Variants in POLR1A observed in about 807,000 individuals in gnomAD.
POLR1A encodes the protein RNA polymerase I subunit A, also known as DNA-directed RNA polymerase I subunit RPA1.
A neutral mutation model predicts 205.3 loss-of-function variants in POLR1A; 84 were observed. That is an observed-to-expected ratio of 0.41 (90% CI 0.34 to 0.49). POLR1A has a LOEUF of 0.49. Ranked by LOEUF, POLR1A falls within the 20% of genes least tolerant of loss-of-function variation. The probability of loss-of-function intolerance (pLI) is 0.22; values close to 1 mark genes in which losing one functional copy is unlikely to be tolerated. For synonymous variants in POLR1A, 799 were observed against 863.7 expected, an observed-to-expected ratio of 0.93 and a Z score of 1.31; for missense variants, 1,645 against 2,204.5, an observed-to-expected ratio of 0.75 and a Z score of 5.08.
At chr2:86,063,330 C>A (rs1245201996) in intron 14 of POLR1A, among the ~76,000 whole-genome samples, 2 of 52,242 alleles carry the variant, frequency 3.8e-5, no homozygotes, top group Admixed American at 3.8e-4. Context: ...AGCAAAACTC[C>A]ATCTCAAAAA....
At chr2:86,030,717 G>A (rs1247034085) in intron 30 of POLR1A, among the ~76,000 whole-genome samples, 4 of 152,322 alleles carry the variant, frequency 2.6e-5, no homozygotes, top group Middle Eastern at 3.4e-3. Context: ...TTTCACGCGT[G>A]CAATCCCATC....
chr2:86,075,707 C>T (rs1317951823), intron 11 of POLR1A, among the ~76,000 whole-genome samples: 2 of 152,196 alleles, frequency 1.3e-5, no homozygotes, highest in Admixed American at 6.5e-5. Flanking sequence ...AGGGTTTCTC[C>T]ATGCTGGTCA....
Position 86,022,552 on chromosome 2 carries a change from C to T in POLR1A, c.*4871G>A, listed in dbSNP as rs992195632. ...AAGATTTTCTAATGCCTAGGCCACA[C>T]TCCAGGCCAATAAAATCAGAATCTG... On this transcript the variant is annotated 3_prime_UTR_variant, in exon 34 of 34. Coordinates refer to ENST00000263857, the MANE Select transcript of POLR1A (RefSeq NM_015425.6). 1 of 152,240 alleles carries T rather than the reference C, an allele frequency of 6.6e-6. No homozygotes were observed. The highest frequency in any genetic ancestry group is 6.5e-5 in the Admixed American group (1 of 15,274). The allele number at this position is 152,240 out of a possible 1,614,324, so 9.4% of individuals were successfully genotyped here.
At chr2:86,030,629 C>T (rs1307932829) in intron 30 of POLR1A, among the ~76,000 whole-genome samples, 3 of 152,262 alleles carry the variant, frequency 2.0e-5, no homozygotes, top group Admixed American at 6.5e-5. Flanking sequence ...TCACAGCTGT[C>T]GGTGACAACA....
At chr2:86,040,320 CT>C in intron 25 of POLR1A, 71 bp downstream of exon 25, 2 of 1,224,866 alleles carry the variant, frequency 1.6e-6, no homozygotes, top group Admixed American at 2.9e-5. Context: ...CACTCACCCC[CT>C]CTCATTAAAT....
In POLR1A at chr2:86,021,488, A is replaced by T. The variant is rs1440401478; in HGVS notation, c.*5935T>A. 6.6e-6 allele frequency: 1 copy of T among 152,406 alleles called. No individual in the cohort carries two copies. The highest frequency in any genetic ancestry group is 2.4e-5 in the African/African-American group (1 of 41,448). 9.4% of individuals were successfully genotyped at this position (152,406 alleles called of 1,614,324 possible). ...CCTCCCTTCTGGCTGTTGAACACCC[A>T]AGTACCTCCCCACTGTCCTCTCCAC... On this transcript the variant is annotated 3_prime_UTR_variant, in exon 34 of 34. Coordinates refer to ENST00000263857, the MANE Select transcript of POLR1A (RefSeq NM_015425.6).
At chr2:86,039,818 C>T (rs2104387646) in intron 25 of POLR1A, among the ~76,000 whole-genome samples, 1 of 152,342 alleles carries the variant, frequency 6.6e-6, no homozygotes, top group Middle Eastern at 3.4e-3. Context: ...GCTCAGCCAG[C>T]CCTCACTGCC....
chr2:86,039,619 C>T (rs1445644986), intron 25 of POLR1A, among the ~76,000 whole-genome samples, 157 bp from the exon 26 acceptor site: 1 of 152,316 alleles, frequency 6.6e-6, no homozygotes, highest in Admixed American at 6.5e-5. Flanking sequence ...CCAGCTCTGG[C>T]CTCGTGTGCA....
intron 31 of POLR1A, 42 bp downstream of exon 31, chr2:86,030,153 AG>A (rs1199117895): frequency 6.6e-7 from 1 of 1,506,346 alleles, no homozygotes; most frequent in African/African-American, 1.4e-5. Flanking sequence ...ACGTGGGGTG[AG>A]GACTAATGCT....
intron 4 of POLR1A, 107 bp from the exon 5 acceptor site, chr2:86,088,977 C>T: frequency 4.2e-6 from 3 of 718,548 alleles, no homozygotes; most frequent in East Asian, 2.7e-5. Flanking sequence ...CGGAAACACC[C>T]CCACCACCAC....
intron 21 of POLR1A, among the ~76,000 whole-genome samples, chr2:86,044,871 T>TC (rs1672683253): frequency 6.6e-6 from 1 of 152,154 alleles, no homozygotes; most frequent in Non-Finnish European, 1.5e-5. Flanking sequence ...TGCCTAGGTT[T>TC]CCCCTCCTGC....
intron 1 of POLR1A, among the ~76,000 whole-genome samples, chr2:86,102,763 G>A (rs73944243): frequency 6.6e-6 from 1 of 152,172 alleles, no homozygotes; most frequent in African/African-American, 2.4e-5. Context: ...GAAGAGTAGG[G>A]GCAACTAGCA....
chr2:86,081,891 G>C (rs1256032771), intron 7 of POLR1A, among the ~76,000 whole-genome samples, 185 bp from the exon 8 acceptor site: 1 of 152,202 alleles, frequency 6.6e-6, no homozygotes, highest in Non-Finnish European at 1.5e-5. Context: ...CTGTGCAGTG[G>C]TGCGATCATG....
chr2:86,051,572 A>G (rs1203684920), intron 16 of POLR1A, among the ~76,000 whole-genome samples: 1 of 152,216 alleles, frequency 6.6e-6, no homozygotes, highest in African/African-American at 2.4e-5. Context: ...TGAACCAGAC[A>G]ACGCCTATGC....
At chr2:86,045,869 T>G (rs1255201011) in intron 19 of POLR1A, 100 bp from the exon 20 acceptor site, 2 of 1,070,308 alleles carry the variant, frequency 1.9e-6, no homozygotes, top group Non-Finnish European at 2.7e-6. Flanking sequence ...GAAGAAAAGC[T>G]GCATGGAAAC....
intron 3 of POLR1A, among the ~76,000 whole-genome samples, chr2:86,092,404 G>C (rs1673623124): frequency 6.6e-6 from 1 of 152,264 alleles, no homozygotes; most frequent in Non-Finnish European, 1.5e-5. Context: ...CGTTTGAGCA[G>C]TCGTCTGTCA....
In POLR1A at chr2:86,068,393, G is replaced by C. The variant is rs111271852; in HGVS notation, c.1866+1625C>G. ...CACAGCCAAGCACATGGGCGGGGGGGGGGGGCGGGTGTCGTCCAAAGCTGC... is the reference window on the plus strand; with the variant it reads ...CACAGCCAAGCACATGGGCGGGGGGCGGGGGCGGGTGTCGTCCAAAGCTGC... On this transcript the variant is annotated intron_variant, in intron 13 of 33. Coordinates refer to ENST00000263857, the MANE Select transcript of POLR1A (RefSeq NM_015425.6). Among the ~76,000 whole-genome samples, 5 of 115,676 alleles carry C rather than the reference G, an allele frequency of 4.3e-5. 2 individuals are homozygous for C. Among genetic ancestry groups the C allele is most frequent in the Non-Finnish European group, 9.2e-5 (5 of 54,086 alleles). The allele number at this position is 115,676 out of a possible 152,430, so 75.9% of individuals were successfully genotyped here.
intron 14 of POLR1A, among the ~76,000 whole-genome samples, chr2:86,060,112 A>G (rs1200438158): frequency 6.6e-6 from 1 of 152,262 alleles, no homozygotes; most frequent in Non-Finnish European, 1.5e-5. Flanking sequence ...AGTATCATCT[A>G]CCATAGCAGT....
At chr2:86,071,260 G>A (rs984779388) in intron 12 of POLR1A, among the ~76,000 whole-genome samples, 29 of 149,288 alleles carry the variant, frequency 1.9e-4, no homozygotes, top group Non-Finnish European at 3.4e-4. Context: ...GTGTGTGTGT[G>A]TCTATGGGAA....
Sources: gnomAD v4.1 joint callset for allele counts (sites outside exome capture counted in the v4.1 genomes callset) on GRCh38, gnomAD v4.1.1 for gene constraint, MANE v1.5 for transcripts, NCBI Gene and HGNC (gene_info 2026-07-23, HGNC 2026-07-21) for gene names.